BAZ2B: variants seen among roughly 807,000 people sequenced by gnomAD.
BAZ2B encodes the protein bromodomain adjacent to zinc finger domain 2B.
BAZ2B carries 91 observed loss-of-function variants against 246.0 expected under a neutral mutation model. The observed-to-expected ratio is 0.37, with a 90% CI of 0.31 to 0.44. The LOEUF (loss-of-function observed/expected upper bound fraction) is 0.44. Ranked by LOEUF, BAZ2B falls within the 20% of genes least tolerant of loss-of-function variation. The pLI is 1.00. For synonymous variants in BAZ2B, 855 were observed against 860.0 expected, an observed-to-expected ratio of 0.99 and a Z score of 0.10; for missense variants, 2,332 against 2,533.7, an observed-to-expected ratio of 0.92 and a Z score of 1.71.
chr2:159,667,152 G>GT, the BAZ2B span, among the ~76,000 whole-genome samples: 57,064 of 145,418 alleles, frequency 0.39, 11,728 homozygotes, highest in Admixed American at 0.52. Context: ...TTTTTCTCCT[G>GT]TTTTTTTTTT....
At position 159,448,328 on chromosome 2, in the gene BAZ2B, A is replaced by G. The variant is rs1202926369; in HGVS notation, c.416T>C (p.Leu139Pro). ...FFPPLLGIPP[L>P]FAPPAQNHDS... ...ATGATTCTGGGCTGGGGGAGCAAATAGTGGTGGAATTCCCAGTAATGGTGG... is the reference window on the plus strand; with the variant it reads ...ATGATTCTGGGCTGGGGGAGCAAATGGTGGTGGAATTCCCAGTAATGGTGG... Residue 139 changes from leucine (L) to proline (P), a missense_variant, in exon 5 of 37, where the codon CTA (leucine) becomes CCA (proline). Physicochemically the swap from Leu to Pro is moderately conservative, Grantham distance 98. Around this residue, in one of 9 missense-constraint regions of BAZ2B, gnomAD observed 242 missense variants for 237.4 expected, o/e 1.02. Transcript: ENST00000392783. 6.2e-7 allele frequency: 1 copy of G among 1,613,442 alleles called. No individual in the cohort carries two copies.
At chr2:159,605,693 G>A (rs981551605) in intron 1 of BAZ2B, among the ~76,000 whole-genome samples, 2 of 152,016 alleles carry the variant, frequency 1.3e-5, no homozygotes, top group African/African-American at 4.8e-5. Flanking sequence ...GTTCAGTCCA[G>A]TCTGGGCAAC....
chr2:159,400,759 G>T (rs933604002), intron 16 of BAZ2B, 95 bp from the exon 17 acceptor site: 54 of 755,084 alleles, frequency 7.2e-5, no homozygotes, highest in Non-Finnish European at 9.5e-5. Flanking sequence ...TATAAGTACA[G>T]GTCAGGCGCA....
At chr2:159,476,631 G>T (rs1469629871) in intron 3 of BAZ2B, among the ~76,000 whole-genome samples, 1 of 152,158 alleles carries the variant, frequency 6.6e-6, no homozygotes, top group African/African-American at 2.4e-5. Flanking sequence ...CTCAGAATCT[G>T]TACTCAAGGA....
At chr2:159,554,348 A>G (rs920936337) in intron 2 of BAZ2B, among the ~76,000 whole-genome samples, 4 of 152,182 alleles carry the variant, frequency 2.6e-5, no homozygotes, top group Non-Finnish European at 4.4e-5. Context: ...TAGATGCTAA[A>G]CAGAAGGTTT....
At chr2:159,325,556 T>C in intron 35 of BAZ2B, 97 bp downstream of exon 35, 1 of 1,317,736 alleles carries the variant, frequency 7.6e-7, no homozygotes, top group Non-Finnish European at 1.0e-6. Flanking sequence ...TTTATTTACA[T>C]AAATTATCAG....
chr2:159,478,466 C>G, intron 3 of BAZ2B, 109 bp downstream of exon 3: 1 of 1,228,800 alleles, frequency 8.1e-7, no homozygotes, highest in Non-Finnish European at 1.1e-6. Context: ...AGCCTTTATT[C>G]AACAGGTCAA....
intron 1 of BAZ2B, among the ~76,000 whole-genome samples, chr2:159,588,762 T>C (rs954120274): frequency 6.6e-6 from 1 of 152,212 alleles, no homozygotes; most frequent in African/African-American, 2.4e-5. Flanking sequence ...GTGGCTCTTT[T>C]TGACTTTATT....
At chr2:159,647,333 T>C in the BAZ2B span, among the ~76,000 whole-genome samples, 32 of 152,282 alleles carry the variant, frequency 2.1e-4, no homozygotes, top group Non-Finnish European at 3.5e-4. Flanking sequence ...TCAGTTCAAG[T>C]CTGAAGGCAA....
At chr2:159,444,932 C>T (rs1577103935) in intron 6 of BAZ2B, 2 of 152,352 alleles carry the variant, frequency 1.3e-5, no homozygotes, top group Admixed American at 1.3e-4. Context: ...GGACCTCTCA[C>T]TCAAGAAGAA....
At chr2:159,596,474 A>G (rs962011243) in intron 1 of BAZ2B, among the ~76,000 whole-genome samples, 1 of 152,244 alleles carries the variant, frequency 6.6e-6, no homozygotes, top group African/African-American at 2.4e-5. Context: ...AGCAGCTAAC[A>G]TAGAAAAGAA....
chr2:159,483,474 C>T (rs1212393061), intron 2 of BAZ2B, among the ~76,000 whole-genome samples: 1 of 152,056 alleles, frequency 6.6e-6, no homozygotes, highest in East Asian at 1.9e-4. Flanking sequence ...TGCTGGGATG[C>T]CTTATTTCAA....
chr2:159,584,224 C>T (rs1333177230), intron 1 of BAZ2B, among the ~76,000 whole-genome samples: 2 of 151,840 alleles, frequency 1.3e-5, no homozygotes, highest in African/African-American at 2.4e-5. Flanking sequence ...CAGGTTCAAG[C>T]GATTCTCCTG....
chr2:159,430,559 C>CA (rs2070898896), intron 10 of BAZ2B, among the ~76,000 whole-genome samples: 1 of 151,980 alleles, frequency 6.6e-6, no homozygotes, highest in African/African-American at 2.4e-5. Flanking sequence ...GTCAACTGTA[C>CA]AAAAAAGTCC....
At chr2:159,394,547 C>G (rs777997484) in intron 20 of BAZ2B, among the ~76,000 whole-genome samples, 1 of 152,116 alleles carries the variant, frequency 6.6e-6, no homozygotes, top group Admixed American at 6.6e-5. Context: ...CTTTAGGAAA[C>G]GTCACAGAAA....
At chr2:159,567,354 C>A (rs1267949518) in intron 1 of BAZ2B, among the ~76,000 whole-genome samples, 1 of 152,170 alleles carries the variant, frequency 6.6e-6, no homozygotes, top group Non-Finnish European at 1.5e-5. Flanking sequence ...CTGTCATATA[C>A]AGCTTTTATT....
At chr2:159,634,480 CAT>C in the BAZ2B span, among the ~76,000 whole-genome samples, 16 of 152,174 alleles carry the variant, frequency 1.1e-4, no homozygotes, top group Non-Finnish European at 2.1e-4. Context: ...TTAGCATGCA[CAT>C]GTTAGAATAA....
intron 2 of BAZ2B, among the ~76,000 whole-genome samples, chr2:159,525,331 GT>G (rs914780321): frequency 3.9e-5 from 6 of 152,242 alleles, no homozygotes; most frequent in African/African-American, 1.4e-4. Context: ...ATCATGAGTT[GT>G]TCCTTTTATA....
At position 159,347,483 on chromosome 2, in the gene BAZ2B, T is replaced by C. The variant is rs554814798; in HGVS notation, c.5454+3A>G. On this transcript the variant is annotated splice_donor_region_variant and intron_variant, in intron 31 of 36. Coordinates refer to ENST00000392783, the MANE Select transcript of BAZ2B (RefSeq NM_013450.4). The stretch of plus-strand genomic sequence containing the variant: ...AACATATTTTATTCCAAGTCGATTT[T>C]ACCTTCACTTGCAAACTTGCTGATG... 2.0e-5 allele frequency: 32 copies of C among 1,613,172 alleles called. No homozygotes were observed. The African/African-American group carries it at 4.0e-4, about 20-fold the overall frequency.
Sources: allele counts gnomAD v4.1 joint callset (sites outside exome capture counted in the v4.1 genomes callset), GRCh38; gene constraint gnomAD v4.1.1; regional missense constraint gnomAD v4.1.1; transcripts MANE v1.5; gene names NCBI Gene and HGNC (gene_info 2026-07-23, HGNC 2026-07-21).